Variants in MCUB observed in about 807,000 individuals in gnomAD.
The protein encoded by MCUB is mitochondrial calcium uniporter dominant negative subunit beta.
A neutral mutation model predicts 41.4 loss-of-function variants in MCUB; 46 were observed. That is an observed-to-expected ratio of 1.11 (90% confidence interval 0.88 to 1.42). The LOEUF (loss-of-function observed/expected upper bound fraction) is 1.42, where lower values mean the gene tolerates loss of function less well. Ranked by LOEUF, MCUB falls within the 40% of genes most tolerant of loss-of-function variation. The pLI is 0.00. For missense variants in MCUB, 403 were observed against 404.9 expected (o/e 1.00, Z 0.04); for synonymous variants, 148 against 148.2 (o/e 1.00, Z 0.01).
intron 1 of MCUB, among the ~76,000 whole-genome samples, chr4:109,575,835 ATT>A (rs1727014144): frequency 6.6e-6 from 1 of 152,238 alleles, no homozygotes; most frequent in African/African-American, 2.4e-5. Flanking sequence ...GCATAGTAAT[ATT>A]CTTGGTTTTG....
At chr4:109,577,313 A>G (rs1457676742) in intron 1 of MCUB, among the ~76,000 whole-genome samples, 1 of 152,216 alleles carries the variant, frequency 6.6e-6, no homozygotes, top group Non-Finnish European at 1.5e-5. Context: ...AGTTTTTAAT[A>G]CCAGCAGCTT....
At chr4:109,678,052 A>C (rs1253442470) in intron 4 of MCUB, among the ~76,000 whole-genome samples, 1 of 152,004 alleles carries the variant, frequency 6.6e-6, no homozygotes, top group African/African-American at 2.4e-5. Context: ...GCATCTGTTT[A>C]ACAAAGCACA....
intron 1 of MCUB, among the ~76,000 whole-genome samples, chr4:109,626,427 A>G (rs1728360508): frequency 6.6e-6 from 1 of 152,200 alleles, no homozygotes; most frequent in East Asian, 1.9e-4. Flanking sequence ...AGGTGCTATC[A>G]TCTCTGTCGC....
intron 1 of MCUB, among the ~76,000 whole-genome samples, chr4:109,629,948 C>T (rs1728438175): frequency 6.6e-6 from 1 of 152,190 alleles, no homozygotes; most frequent in African/African-American, 2.4e-5. Context: ...AGTCCCAACC[C>T]TCTAATCCTG....
At position 109,611,395 on chromosome 4, in the gene MCUB, T is replaced by C. The variant is rs917970910; in HGVS notation, c.100-47616T>C. Among the ~76,000 whole-genome samples the C allele has an allele frequency of 2.0e-5, 3 of 152,338 alleles. No individual in the cohort carries two copies. The East Asian group carries it at 5.8e-4, about 29-fold the overall frequency. On this transcript the variant is annotated intron_variant, in intron 1 of 7. Coordinates refer to ENST00000394650, the MANE Select transcript of MCUB (RefSeq NM_017918.5). ...GGCTATAGAGCTAATCCTCAGGATA[T>C]GTGAAAAGTAAAATGCTTCTAGGGG...
At chr4:109,620,934 T>C (rs1728239327) in intron 1 of MCUB, among the ~76,000 whole-genome samples, 1 of 151,844 alleles carries the variant, frequency 6.6e-6, no homozygotes, top group African/African-American at 2.4e-5. Flanking sequence ...AGTCTCTCTC[T>C]GTCACCCAGG....
chr4:109,684,669 G>C, intron 6 of MCUB, 23 bp downstream of exon 6: 1 of 1,143,120 alleles, frequency 8.7e-7, no homozygotes, highest in South Asian at 1.3e-5. Flanking sequence ...TTAGGAAAAT[G>C]GTAAGTTAGA....
At chr4:109,590,160 AT>A (rs1412499385) in intron 1 of MCUB, among the ~76,000 whole-genome samples, 2 of 148,222 alleles carry the variant, frequency 1.3e-5, no homozygotes, top group Admixed American at 1.4e-4. Context: ...TATGCTAGAA[AT>A]AATCGTTAAT....
intron 1 of MCUB, among the ~76,000 whole-genome samples, chr4:109,624,459 G>A (rs556403612): frequency 6.6e-6 from 1 of 152,316 alleles, no homozygotes; most frequent in Admixed American, 6.5e-5. Flanking sequence ...TTGGAAAAAA[G>A]TTTTGAAGAC....
intron 4 of MCUB, among the ~76,000 whole-genome samples, chr4:109,667,003 G>A (rs548512220): frequency 1.3e-5 from 2 of 152,028 alleles, no homozygotes; most frequent in African/African-American, 2.4e-5. Flanking sequence ...ATTTTGCTGA[G>A]GATTTTTGTG....
chr4:109,585,713 A>T (rs1449692869), intron 1 of MCUB, among the ~76,000 whole-genome samples: 1 of 152,184 alleles, frequency 6.6e-6, no homozygotes, highest in Non-Finnish European at 1.5e-5. Context: ...TATGAAGCTT[A>T]GTTTGGCTGG....
intron 1 of MCUB, among the ~76,000 whole-genome samples, chr4:109,569,291 C>T (rs945566721): frequency 1.3e-5 from 2 of 152,024 alleles, no homozygotes; most frequent in African/African-American, 4.8e-5. Flanking sequence ...TGTGATCCGC[C>T]CGTCTCGGCC....
intron 1 of MCUB, among the ~76,000 whole-genome samples, chr4:109,632,544 G>A (rs985533365): frequency 2.0e-4 from 31 of 151,900 alleles, no homozygotes; most frequent in African/African-American, 7.3e-4. Flanking sequence ...ATGAGATTGT[G>A]GGTGCTGGTT....
chr4:109,560,730 T>A (rs1726604671), intron 1 of MCUB, among the ~76,000 whole-genome samples: 1 of 151,722 alleles, frequency 6.6e-6, no homozygotes. Context: ...GACTTCGGCC[T>A]GGGAGCAGCA....
intron 1 of MCUB, among the ~76,000 whole-genome samples, chr4:109,562,051 C>T (rs1390774909): frequency 6.6e-6 from 1 of 152,090 alleles, no homozygotes; most frequent in Admixed American, 6.5e-5. Flanking sequence ...GCGACCAGCC[C>T]CAAGTGTTTT....
chr4:109,654,348 C>T (rs1443185178), intron 1 of MCUB, among the ~76,000 whole-genome samples: 6 of 152,092 alleles, frequency 3.9e-5, no homozygotes, highest in African/African-American at 1.4e-4. Flanking sequence ...TGGTGGCTCA[C>T]GCCTGTAATC....
intron 1 of MCUB, among the ~76,000 whole-genome samples, chr4:109,582,389 A>AG (rs1727201259): frequency 1.5e-5 from 1 of 66,160 alleles, no homozygotes; most frequent in African/African-American, 6.2e-5. Context: ...GGGTGGGGGG[A>AG]GGGGGGAGGG....
intron 1 of MCUB, among the ~76,000 whole-genome samples, chr4:109,570,068 C>T (rs1468888085): frequency 6.6e-6 from 1 of 152,164 alleles, no homozygotes; most frequent in Non-Finnish European, 1.5e-5. Flanking sequence ...GGTTAAAAAT[C>T]CATCTTTGAC....
chr4:109,619,523 T>C (rs1274025829), intron 1 of MCUB, among the ~76,000 whole-genome samples: 1 of 152,098 alleles, frequency 6.6e-6, no homozygotes, highest in Admixed American at 6.5e-5. Context: ...CTGGCCAACA[T>C]AGTGAAACAC....
Sources: allele counts gnomAD v4.1 joint callset (sites outside exome capture counted in the v4.1 genomes callset), GRCh38; gene constraint gnomAD v4.1.1; transcripts MANE v1.5; gene names NCBI Gene and HGNC (gene_info 2026-07-23, HGNC 2026-07-21).